Variants in ARFGEF1 observed in about 807,000 individuals in gnomAD.
The protein encoded by ARFGEF1 is brefeldin A-inhibited guanine nucleotide-exchange protein 1.
Under a neutral mutation model 231.0 loss-of-function variants are expected in ARFGEF1, and 42 were observed. The observed-to-expected ratio is 0.18, with a 90% CI of 0.14 to 0.24. The LOEUF (loss-of-function observed/expected upper bound fraction) is 0.24, where lower values mean the gene tolerates loss of function less well. Ranked by LOEUF, ARFGEF1 falls within the 10% of genes least tolerant of loss-of-function variation. The probability of loss-of-function intolerance (pLI) is 1.00; values close to 1 mark genes in which losing one functional copy is unlikely to be tolerated. For missense variants in ARFGEF1, 1,345 were observed against 2,192.0 expected, an observed-to-expected ratio of 0.61 and a Z score of 7.72; for synonymous variants, 710 against 732.3, an observed-to-expected ratio of 0.97 and a Z score of 0.49.
chr8:67,343,588 C>T lies in ARFGEF1; in HGVS notation c.-301G>A. Reference sequence around the variant, plus strand: ...CCGGCCGCCCCTCTCACTCGTCCCTCCGGCCCTGGTGGCGGTGAGGGAGCC... The same window carrying T: ...CCGGCCGCCCCTCTCACTCGTCCCTTCGGCCCTGGTGGCGGTGAGGGAGCC... On this transcript the variant is annotated 5_prime_UTR_variant, in exon 1 of 39. Transcript: ENST00000262215. 1 of 1,088,226 alleles carries T rather than the reference C, an allele frequency of 9.2e-7. No individual in the cohort carries two copies. The highest frequency in any genetic ancestry group is 1.1e-6 in the Non-Finnish European group (1 of 896,288). 67.4% of individuals were successfully genotyped at this position (1,088,226 alleles called of 1,614,324 possible).
intron 33 of ARFGEF1, among the ~76,000 whole-genome samples, chr8:67,213,774 G>C (rs1432236112): frequency 6.6e-6 from 1 of 152,156 alleles, no homozygotes; most frequent in Non-Finnish European, 1.5e-5. Flanking sequence ...TCCTGGGGAA[G>C]AAATCCCGCC....
At chr8:67,253,122 A>G (rs1840349881) in intron 18 of ARFGEF1, among the ~76,000 whole-genome samples, 1 of 152,214 alleles carries the variant, frequency 6.6e-6, no homozygotes, top group South Asian at 2.1e-4. Flanking sequence ...GAATGTGGGG[A>G]AAAAATACAA....
chr8:67,300,542 G>A (rs1259312672), intron 3 of ARFGEF1, among the ~76,000 whole-genome samples: 2 of 151,774 alleles, frequency 1.3e-5, no homozygotes, highest in Non-Finnish European at 2.9e-5. Context: ...ACACTGGCCA[G>A]GCACAGTGGC....
At chr8:67,210,307 G>A (rs1039496306) in intron 34 of ARFGEF1, among the ~76,000 whole-genome samples, 1 of 151,090 alleles carries the variant, frequency 6.6e-6, no homozygotes, top group African/African-American at 2.4e-5. Flanking sequence ...GCAAAACCCT[G>A]TCCCTACAAA....
intron 10 of ARFGEF1, among the ~76,000 whole-genome samples, chr8:67,270,216 A>G (rs958555704): frequency 1.2e-4 from 18 of 152,210 alleles, no homozygotes; most frequent in Non-Finnish European, 2.4e-4. Flanking sequence ...ACATATGGCA[A>G]ACTCTTAAAA....
At chr8:67,231,619 G>A (rs187699854) in intron 23 of ARFGEF1, among the ~76,000 whole-genome samples, 3 of 152,164 alleles carry the variant, frequency 2.0e-5, no homozygotes, top group African/African-American at 7.2e-5. Flanking sequence ...GATTTTTCTG[G>A]AAGGCAAGAA....
chr8:67,340,950 A>G lies in ARFGEF1; in HGVS notation c.124+2214T>C, dbSNP rs141986282. On this transcript the variant is annotated intron_variant, in intron 1 of 38. Coordinates refer to ENST00000262215, the MANE Select transcript of ARFGEF1 (RefSeq NM_006421.5). ...TATAGGCCCTCTAAAGATGATGCTCATGAGTGGTAGGGAATACCCAATGCA... is the reference window on the plus strand; with the variant it reads ...TATAGGCCCTCTAAAGATGATGCTCGTGAGTGGTAGGGAATACCCAATGCA... 1.9e-3 allele frequency among the ~76,000 whole-genome samples: 297 copies of G among 152,358 alleles called. 3 individuals are homozygous for G. The highest frequency in any genetic ancestry group is 6.3e-3 in the African/African-American group (260 of 41,586).
intron 1 of ARFGEF1, among the ~76,000 whole-genome samples, chr8:67,326,188 A>G (rs1431220961): frequency 6.6e-6 from 1 of 152,050 alleles, no homozygotes; most frequent in East Asian, 1.9e-4. Context: ...ACAGAGTGAA[A>G]CTCCATCTCA....
intron 1 of ARFGEF1, among the ~76,000 whole-genome samples, chr8:67,304,500 A>C (rs1294597942): frequency 6.6e-6 from 1 of 152,252 alleles, no homozygotes; most frequent in Non-Finnish European, 1.5e-5. Flanking sequence ...GCTCACCAAC[A>C]GATACAATCA....
In ARFGEF1 at chr8:67,283,730, G is replaced by A. The variant is rs2128904712; in HGVS notation, c.1027+4225C>T. Among the ~76,000 whole-genome samples the A allele has an allele frequency of 2.0e-5, 3 of 149,468 alleles. No individual in the cohort carries two copies. The South Asian group carries it at 6.4e-4, about 32-fold the overall frequency. On this transcript the variant is annotated intron_variant, in intron 7 of 38. Coordinates refer to ENST00000262215, the MANE Select transcript of ARFGEF1 (RefSeq NM_006421.5). Reference sequence around the variant, plus strand: ...TAAAAGATATACTAATGATCCTACAGATATGAAAAGATGTTTAATTTCACT... The same window carrying A: ...TAAAAGATATACTAATGATCCTACAAATATGAAAAGATGTTTAATTTCACT...
chr8:67,297,222 A>G lies in ARFGEF1; in HGVS notation c.460-612T>C, dbSNP rs148348694. ...TAACTTACTAAAATGCACAGCATGA[A>G]AGCTGTTACAGCAGAGCACAGATAC... On this transcript the variant is annotated intron_variant, in intron 4 of 38. Coordinates refer to ENST00000262215, the MANE Select transcript of ARFGEF1 (RefSeq NM_006421.5). Among the ~76,000 whole-genome samples the G allele has an allele frequency of 1.1e-3, 169 of 152,330 alleles. 1 individual carries two copies. The highest frequency in any genetic ancestry group is 3.7e-3 in the African/African-American group (155 of 41,572).
rs1423161905 is a variant in ARFGEF1, at chr8:67,228,215, C to T, written c.3421+9G>A. ...CCAGTTCCGAAGTAGAATAAATGCC[C>T]ATACTTACCAATGGCATTTCCATCT... On this transcript the variant is annotated intron_variant, in intron 24 of 38. Coordinates refer to ENST00000262215, the MANE Select transcript of ARFGEF1 (RefSeq NM_006421.5). 2 of 1,610,408 alleles carry T rather than the reference C, an allele frequency of 1.2e-6. No individual in the cohort carries two copies. The highest frequency in any genetic ancestry group is 3.4e-5 in the Admixed American group (2 of 59,498).
chr8:67,343,294 A>T lies in ARFGEF1; in HGVS notation c.-7T>A. 4.3e-6 allele frequency: 7 copies of T among 1,612,216 alleles called. No individual in the cohort carries two copies. The highest frequency in any genetic ancestry group is 5.9e-6 in the Non-Finnish European group (7 of 1,178,756). On this transcript the variant is annotated 5_prime_UTR_variant, in exon 1 of 39. Coordinates refer to ENST00000262215, the MANE Select transcript of ARFGEF1 (RefSeq NM_006421.5). ...TCTTCTTCCCCTCATACATGGACGC[A>T]GAGAAGGAGGCGGCGGCTCGTCCGA... is the stretch of plus-strand genomic sequence containing the variant.
downstream of ARFGEF1, chr8:67,173,569 A>G (rs1036656473): frequency 2.0e-5 from 3 of 152,188 alleles, no homozygotes; most frequent in Non-Finnish European, 4.4e-5. Flanking sequence ...GAAAGATAGT[A>G]AGAAGGAAAA....
At chr8:67,181,239 T>C (rs1241216170) in intron 5 of ARFGEF1, among the ~76,000 whole-genome samples, 1 of 151,864 alleles carries the variant, frequency 6.6e-6, no homozygotes, top group African/African-American at 2.4e-5. Flanking sequence ...GGTCTCCCTA[T>C]GTTGCCCAGG....
intron 14 of ARFGEF1, among the ~76,000 whole-genome samples, chr8:67,260,259 C>T (rs539561247): frequency 6.6e-5 from 10 of 152,220 alleles, no homozygotes; most frequent in African/African-American, 1.7e-4. Flanking sequence ...ATGTAGTAGA[C>T]GAACTTTGAG....
At chr8:67,182,203 A>G (rs1007684050) in intron 5 of ARFGEF1, among the ~76,000 whole-genome samples, 3 of 152,090 alleles carry the variant, frequency 2.0e-5, no homozygotes, top group Admixed American at 6.6e-5. Context: ...GGGTTTCACC[A>G]TGCTGCCCAG....
Position 67,328,044 on chromosome 8 carries a change from AAG to A in ARFGEF1, c.124+15118_124+15119del, listed in dbSNP as rs1242812290. 2.6e-5 allele frequency among the ~76,000 whole-genome samples: 4 copies of A among 152,102 alleles called. No individual in the cohort carries two copies. In the East Asian group the frequency reaches 5.8e-4, roughly 22 times the overall value. ...AATTTGAAATAGAGGGGGTGAAAGA[AAG>A]GGGTGGAGAGATGAGGGAGATAAAG... On this transcript the variant is annotated intron_variant, in intron 1 of 38. Coordinates refer to ENST00000262215, the MANE Select transcript of ARFGEF1 (RefSeq NM_006421.5).
At position 67,236,903 on chromosome 8, in the gene ARFGEF1, ATTCATT is replaced by A. The variant is rs577421707; in HGVS notation, c.3289+1434_3289+1439del. ...TAGCACAGTACATGAATTAATTTTA[ATTCATT>A]TTCAAGTATACCAGTAAATATTATC... On this transcript the variant is annotated intron_variant, in intron 22 of 38. Transcript: ENST00000262215. Among the ~76,000 whole-genome samples, 744 of 152,304 alleles carry A rather than the reference ATTCATT, an allele frequency of 4.9e-3. 5 individuals are homozygous for A. The highest frequency in any genetic ancestry group is 0.01 in the Admixed American group (154 of 15,302).
Sources: allele counts gnomAD v4.1 joint callset (sites outside exome capture counted in the v4.1 genomes callset), GRCh38; gene constraint gnomAD v4.1.1; transcripts MANE v1.5; gene names NCBI Gene and HGNC (gene_info 2026-07-23, HGNC 2026-07-21).